Variants in RILPL2 observed in about 807,000 individuals in gnomAD.
RILPL2 encodes Rab interacting lysosomal protein like 2, also known as RILP-like protein 2.
In RILPL2, 19 loss-of-function variants were observed where a neutral mutation model predicts 22.2. That is an observed-to-expected ratio of 0.86 (90% CI 0.60 to 1.25). The LOEUF is 1.25. Among genes scored for constraint, RILPL2 ranks in the 50% most tolerant of loss-of-function variants. The pLI, the probability that RILPL2 is intolerant of heterozygous loss-of-function variation, is 0.00. For missense variants in RILPL2, 243 were observed against 263.6 expected, an observed-to-expected ratio of 0.92 and a Z score of 0.54; for synonymous variants, 123 against 111.6, an observed-to-expected ratio of 1.10 and a Z score of -0.64.
At chr12:123,416,888 G>T (rs1293804273) in intron 3 of RILPL2, among the ~76,000 whole-genome samples, 1 of 152,160 alleles carries the variant, frequency 6.6e-6, no homozygotes, top group Non-Finnish European at 1.5e-5. Flanking sequence ...CCTTCTGGAA[G>T]CCTGATTTGC....
intron 3 of RILPL2, among the ~76,000 whole-genome samples, chr12:123,419,307 G>A (rs566974279): frequency 3.3e-5 from 5 of 151,142 alleles, no homozygotes; most frequent in Admixed American, 2.6e-4. Context: ...ACAGGTGTGA[G>A]CTACTGCGCC....
At chr12:123,432,870 T>TGACA (rs1335749675) in intron 1 of RILPL2, among the ~76,000 whole-genome samples, 2 of 152,172 alleles carry the variant, frequency 1.3e-5, no homozygotes, top group Non-Finnish European at 2.9e-5. Flanking sequence ...CCATGTCACT[T>TGACA]GACAGACACT....
intron 2 of RILPL2, among the ~76,000 whole-genome samples, chr12:123,425,654 C>CTTT (rs531039648): frequency 2.8e-5 from 4 of 141,684 alleles, no homozygotes; most frequent in Non-Finnish European, 6.1e-5. Flanking sequence ...TTAATATCTA[C>CTTT]TTTTTTTTTT....
chr12:123,424,775 G>A (rs946322752), intron 2 of RILPL2, among the ~76,000 whole-genome samples: 5 of 152,160 alleles, frequency 3.3e-5, no homozygotes, highest in South Asian at 2.1e-4. Context: ...CCACTTAAGC[G>A]TTTTGTTGCA....
At chr12:123,427,071 T>C (rs950684987) in intron 2 of RILPL2, among the ~76,000 whole-genome samples, 1 of 152,120 alleles carries the variant, frequency 6.6e-6, no homozygotes, top group African/African-American at 2.4e-5. Flanking sequence ...TAGCTGAGAC[T>C]ACAGGCACTG....
chr12:123,436,456 T>C lies in RILPL2; in HGVS notation c.-36A>G. On this transcript the variant is annotated 5_prime_UTR_variant, in exon 1 of 4. Transcript: ENST00000280571. The surrounding 1 kb of genome is among the most constrained non-coding windows in gnomAD (Gnocchi z 6.7). ...ACCCCCGCCGACCTCGGAGCTGCTG[T>C]CTTGGAGTCTCCCAAAGGTTAGACT... 1 of 1,533,538 alleles carries C rather than the reference T, an allele frequency of 6.5e-7. No individual in the cohort carries two copies. Among genetic ancestry groups the C allele is most frequent in the Middle Eastern group, 1.7e-4 (1 of 5,954 alleles). 95.0% of individuals were successfully genotyped at this position (1,533,538 alleles called of 1,614,324 possible). A position where few individuals can be genotyped will look rare whatever the true frequency, so the allele number is the denominator to read the frequency against.
At chr12:123,419,663 G>C (rs1489257894) in intron 3 of RILPL2, among the ~76,000 whole-genome samples, 2 of 148,872 alleles carry the variant, frequency 1.3e-5, no homozygotes, top group Non-Finnish European at 3.0e-5. Context: ...TGGAGTGCAG[G>C]GGTGTGATCT....
At chr12:123,429,985 A>G (rs1879569911) in intron 2 of RILPL2, among the ~76,000 whole-genome samples, 1 of 150,172 alleles carries the variant, frequency 6.7e-6, no homozygotes, top group African/African-American at 2.4e-5. Flanking sequence ...GCATGGTGGC[A>G]TGCACCTGTG....
At chr12:123,433,375 A>C (rs1172236073) in intron 1 of RILPL2, among the ~76,000 whole-genome samples, 2 of 152,104 alleles carry the variant, frequency 1.3e-5, no homozygotes, top group African/African-American at 4.8e-5. Flanking sequence ...TTGGGATTAC[A>C]GGCGTGAGCC....
At chr12:123,419,272 C>T (rs920265892) in intron 3 of RILPL2, among the ~76,000 whole-genome samples, 1 of 152,106 alleles carries the variant, frequency 6.6e-6, no homozygotes, top group African/African-American at 2.4e-5. Flanking sequence ...ATCTGCCCGC[C>T]TCGGCCTCCC....
At chr12:123,435,379 A>G (rs1005509484) in intron 1 of RILPL2, among the ~76,000 whole-genome samples, 1 of 152,126 alleles carries the variant, frequency 6.6e-6, no homozygotes, top group African/African-American at 2.4e-5. Context: ...GCTGAGACTA[A>G]AGCTGCTCTG....
chr12:123,427,676 G>C (rs1879480091), intron 2 of RILPL2, among the ~76,000 whole-genome samples: 1 of 151,900 alleles, frequency 6.6e-6, no homozygotes, highest in Non-Finnish European at 1.5e-5. Flanking sequence ...TGAACAGCTG[G>C]GACTACAGGT....
Position 123,423,546 on chromosome 12 carries a change from TTAA to T in RILPL2, c.492-392_492-390del, listed in dbSNP as rs1264908016. The stretch of plus-strand genomic sequence containing the variant: ...TGTGCAGCTCTGAAAATAAAGGGTC[TTAA>T]TGATGATGATGATGATTATGGTAAT... On this transcript the variant is annotated intron_variant, in intron 2 of 3. Transcript: ENST00000280571. 4.6e-5 allele frequency among the ~76,000 whole-genome samples: 7 copies of T among 151,980 alleles called. No homozygotes were observed. In the South Asian group the frequency reaches 6.3e-4, roughly 14 times the overall value.
At chr12:123,413,864 C>T (rs1879042787), downstream of RILPL2, 1 of 152,214 alleles carries the variant, frequency 6.6e-6, no homozygotes, top group South Asian at 2.1e-4. Flanking sequence ...CAAGGCCCCA[C>T]CAGAGTAGCT....
intron 3 of RILPL2, among the ~76,000 whole-genome samples, chr12:123,421,720 T>G (rs1879287623): frequency 6.9e-6 from 1 of 145,610 alleles, no homozygotes; most frequent in South Asian, 2.2e-4. Context: ...CAGGCTAGAG[T>G]GCAGTGGCAC....
At chr12:123,434,610 T>C (rs1215042266) in intron 1 of RILPL2, among the ~76,000 whole-genome samples, 2 of 151,764 alleles carry the variant, frequency 1.3e-5, no homozygotes, top group Non-Finnish European at 2.9e-5. Context: ...GTAGTTTTAG[T>C]AGAGATAGAG....
chr12:123,416,627 G>GCA (rs1879127341), intron 3 of RILPL2, among the ~76,000 whole-genome samples: 1 of 152,174 alleles, frequency 6.6e-6, no homozygotes, highest in East Asian at 1.9e-4. Flanking sequence ...GTGACAGATT[G>GCA]AGACTCCGTC....
Position 123,436,086 on chromosome 12 carries a change from C to A in RILPL2, c.335G>T (p.Gly112Val), listed in dbSNP as rs1393882872. 12 of 1,571,004 alleles carry A rather than the reference C, an allele frequency of 7.6e-6. No individual in the cohort carries two copies. Among genetic ancestry groups the A allele is most frequent in the Non-Finnish European group, 1.0e-5 (12 of 1,158,204 alleles). Residue 112 changes from glycine to valine, a missense_variant, in exon 1 of 4, where the codon GGG becomes GTG. Transcript: ENST00000280571. This position sits in a 1 kb window ranked among gnomAD's most constrained non-coding sequence, Gnocchi z 6.7. ...AACCCTCGCTCCCACACTCACCTCC[C>A]CGCTGGCCGGAGGGCTCTGTCTCCG... Reference protein sequence around the residue: ...GLRRQSPPASGEVNLGPNKMV... With the variant: ...GLRRQSPPASVEVNLGPNKMV...
chr12:123,431,461 T>C (rs891886917), intron 1 of RILPL2, among the ~76,000 whole-genome samples: 3 of 152,062 alleles, frequency 2.0e-5, no homozygotes, highest in Non-Finnish European at 4.4e-5. Context: ...AAGAGAGTTC[T>C]GGAGACGGAT....
Sources: gnomAD v4.1 joint callset for allele counts (sites outside exome capture counted in the v4.1 genomes callset) on GRCh38, gnomAD v4.1.1 for gene constraint, Gnocchi (gnomAD v3.1) non-coding constraint, MANE v1.5 for transcripts, NCBI Gene and HGNC (gene_info 2026-07-23, HGNC 2026-07-21) for gene names.